Variants in ATXN1 observed in about 807,000 individuals in gnomAD.
ATXN1 encodes the protein ataxin 1, also known as ataxin-1.
In ATXN1, 8 loss-of-function variants were observed where a neutral mutation model predicts 56.4. That is an observed-to-expected ratio of 0.14 (90% CI 0.08 to 0.26). ATXN1 has a LOEUF of 0.26. ATXN1 is among the 10% of genes least tolerant of loss of function. The probability of loss-of-function intolerance (pLI) is 1.00; values close to 1 mark genes in which losing one functional copy is unlikely to be tolerated. For synonymous variants in ATXN1, 514 were observed against 494.6 expected (o/e 1.04, Z -0.52); for missense variants, 987 against 1,106.5 (o/e 0.89, Z 1.53).
In ATXN1 at chr6:16,626,434, G is replaced by A. The variant is rs1375220219; in HGVS notation, c.-489+31342C>T. Reference sequence around the variant, plus strand: ...AGCCTCCCAAGCAGCTGGGATTACAGGCACGCACCACCATGCCCAGCTAAT... The same window carrying A: ...AGCCTCCCAAGCAGCTGGGATTACAAGCACGCACCACCATGCCCAGCTAAT... On this transcript the variant is annotated intron_variant, in intron 3 of 7. Transcript: ENST00000436367. 2.0e-5 allele frequency among the ~76,000 whole-genome samples: 3 copies of A among 152,176 alleles called. No homozygotes were observed. The East Asian group carries it at 5.8e-4, about 29-fold the overall frequency.
intron 4 of ATXN1, among the ~76,000 whole-genome samples, chr6:16,544,505 C>T (rs1438659269): frequency 6.6e-6 from 1 of 152,200 alleles, no homozygotes; most frequent in African/African-American, 2.4e-5. Context: ...CCCCTAATGA[C>T]AGCTAGAGGA....
At chr6:16,414,564 A>G (rs903987011) in intron 6 of ATXN1, among the ~76,000 whole-genome samples, 13 of 152,242 alleles carry the variant, frequency 8.5e-5, no homozygotes, top group African/African-American at 2.7e-4. Flanking sequence ...CCTGCTTCTC[A>G]TAGTTCAAAC....
chr6:16,472,305 T>A (rs1378088062), intron 6 of ATXN1, among the ~76,000 whole-genome samples: 1 of 152,212 alleles, frequency 6.6e-6, no homozygotes, highest in Non-Finnish European at 1.5e-5. Context: ...TCATGTAAGG[T>A]CATGTGTTTG....
intron 6 of ATXN1, among the ~76,000 whole-genome samples, chr6:16,442,493 A>C (rs913709118): frequency 4.6e-4 from 70 of 152,342 alleles, no homozygotes; most frequent in Non-Finnish European, 8.8e-4. Flanking sequence ...GATTAAAAAA[A>C]AACACGCGGG....
At chr6:16,587,321 T>C (rs1414192690) in intron 3 of ATXN1, among the ~76,000 whole-genome samples, 2 of 152,200 alleles carry the variant, frequency 1.3e-5, no homozygotes, top group Non-Finnish European at 2.9e-5. Flanking sequence ...TCAAAAGGCA[T>C]ATATGAATTC....
intron 6 of ATXN1, among the ~76,000 whole-genome samples, chr6:16,439,011 G>C (rs1759449157): frequency 6.6e-6 from 1 of 151,922 alleles, no homozygotes; most frequent in African/African-American, 2.4e-5. Flanking sequence ...TCCAAAAGAG[G>C]AAACTCCAAA....
chr6:16,325,092 A>C (rs1263845142), intron 7 of ATXN1, among the ~76,000 whole-genome samples: 3 of 149,672 alleles, frequency 2.0e-5, no homozygotes, highest in Non-Finnish European at 3.0e-5. Context: ...ATATTGGTCC[A>C]TCACACTTAG....
intron 6 of ATXN1, among the ~76,000 whole-genome samples, chr6:16,340,104 A>T (rs1439859160): frequency 1.3e-5 from 2 of 151,848 alleles, no homozygotes; most frequent in Non-Finnish European, 2.9e-5. Flanking sequence ...CCTCACCCAA[A>T]CTCAGGTCTG....
chr6:16,448,545 G>A (rs911745549), intron 6 of ATXN1, among the ~76,000 whole-genome samples: 3 of 152,092 alleles, frequency 2.0e-5, no homozygotes, highest in Non-Finnish European at 2.9e-5. Flanking sequence ...CTGTATTTTT[G>A]TATCACCCAT....
At chr6:16,481,402 C>T (rs996004900) in intron 6 of ATXN1, among the ~76,000 whole-genome samples, 9 of 152,150 alleles carry the variant, frequency 5.9e-5, no homozygotes, top group Non-Finnish European at 1.3e-4. Flanking sequence ...GTGTGCAATT[C>T]TCTTAGTCTG....
intron 5 of ATXN1, among the ~76,000 whole-genome samples, chr6:16,500,805 G>A (rs934548621): frequency 1.3e-5 from 2 of 148,516 alleles, no homozygotes; most frequent in Admixed American, 6.7e-5. Flanking sequence ...TTCATCTAAT[G>A]CCCATATATA....
intron 1 of ATXN1, among the ~76,000 whole-genome samples, chr6:16,759,171 A>G (rs1290591699): frequency 6.6e-6 from 1 of 152,270 alleles, no homozygotes; most frequent in Non-Finnish European, 1.5e-5. Context: ...TGTGCAATAT[A>G]TAACAATGAT....
intron 4 of ATXN1, among the ~76,000 whole-genome samples, chr6:16,545,184 G>A (rs1313153297): frequency 1.3e-5 from 2 of 152,122 alleles, no homozygotes; most frequent in Non-Finnish European, 2.9e-5. Flanking sequence ...TTGATTTGAA[G>A]GCAGCTTTAA....
chr6:16,432,034 A>G (rs1298337091), intron 6 of ATXN1, among the ~76,000 whole-genome samples: 1 of 152,212 alleles, frequency 6.6e-6, no homozygotes, highest in Non-Finnish European at 1.5e-5. Context: ...AATGGTGGAT[A>G]ATCTATTTAT....
At chr6:16,583,792 C>G (rs892067852) in intron 4 of ATXN1, among the ~76,000 whole-genome samples, 1 of 152,146 alleles carries the variant, frequency 6.6e-6, no homozygotes, top group Admixed American at 6.5e-5. Flanking sequence ...TGGGATTACT[C>G]CACTAATACA....
intron 5 of ATXN1, among the ~76,000 whole-genome samples, chr6:16,515,852 G>A (rs1422180037): frequency 6.6e-6 from 1 of 152,086 alleles, no homozygotes; most frequent in African/African-American, 2.4e-5. Flanking sequence ...CATACACCTG[G>A]GATGGAATCA....
intron 5 of ATXN1, 36 bp from the exon 6 acceptor site, chr6:16,486,145 G>A (rs758490589): frequency 6.6e-6 from 1 of 152,162 alleles, no homozygotes; most frequent in Non-Finnish European, 1.5e-5. Context: ...AAAGAAAAAG[G>A]TAAACACATC....
At chr6:16,520,715 T>C (rs796846618) in intron 5 of ATXN1, among the ~76,000 whole-genome samples, 42 of 152,278 alleles carry the variant, frequency 2.8e-4, no homozygotes, top group African/African-American at 1.0e-3. Context: ...GAGAATAAAC[T>C]TTTTGGGCTT....
At chr6:16,512,591 C>G (rs1761103534) in intron 5 of ATXN1, among the ~76,000 whole-genome samples, 1 of 152,174 alleles carries the variant, frequency 6.6e-6, no homozygotes, top group Non-Finnish European at 1.5e-5. Flanking sequence ...AAGGCAGGCC[C>G]CTTTTTTTGT....
Sources: allele counts gnomAD v4.1 joint callset (sites outside exome capture counted in the v4.1 genomes callset), GRCh38; gene constraint gnomAD v4.1.1; transcripts MANE v1.5; gene names NCBI Gene and HGNC (gene_info 2026-07-23, HGNC 2026-07-21).